CTNNA2: variants seen among roughly 807,000 people sequenced by gnomAD.
CTNNA2 encodes the protein catenin alpha-2.
CTNNA2 carries 42 observed loss-of-function variants against 101.0 expected under a neutral mutation model. That is an observed-to-expected ratio of 0.42 (90% CI 0.32 to 0.54). The LOEUF (loss-of-function observed/expected upper bound fraction) is 0.54. Ranked by LOEUF, CTNNA2 falls within the 20% of genes least tolerant of loss-of-function variation. The probability of loss-of-function intolerance (pLI) is 0.14; values close to 1 mark genes in which losing one functional copy is unlikely to be tolerated. For synonymous variants in CTNNA2, 450 were observed against 456.4 expected (o/e 0.99, Z 0.18); for missense variants, 871 against 1,223.1 (o/e 0.71, Z 4.29).
chr2:79,410,325 C>T (rs1270856862), intron 4 of CTNNA2, among the ~76,000 whole-genome samples: 2 of 144,262 alleles, frequency 1.4e-5, no homozygotes, highest in Admixed American at 1.4e-4. Context: ...CTGGCCAGAA[C>T]TTCCAACACT....
At chr2:80,390,955 T>A (rs560357186) in intron 7 of CTNNA2, among the ~76,000 whole-genome samples, 35 of 151,648 alleles carry the variant, frequency 2.3e-4, no homozygotes, top group African/African-American at 8.2e-4. Flanking sequence ...TATGGTGAAA[T>A]CCTGTCTCTA....
At chr2:79,463,638 A>G (rs2104537921) in intron 4 of CTNNA2, among the ~76,000 whole-genome samples, 1 of 152,316 alleles carries the variant, frequency 6.6e-6, no homozygotes, top group South Asian at 2.1e-4. Flanking sequence ...AAATAGTGTG[A>G]AAACTACCTG....
intron 7 of CTNNA2, among the ~76,000 whole-genome samples, chr2:80,169,060 A>G (rs1288033325): frequency 6.6e-6 from 1 of 152,174 alleles, no homozygotes; most frequent in Non-Finnish European, 1.5e-5. Flanking sequence ...TGACCTTGGG[A>G]GCCCATGCCT....
At chr2:79,261,574 C>A (rs1434183) in intron 2 of CTNNA2, among the ~76,000 whole-genome samples, 1 of 152,060 alleles carries the variant, frequency 6.6e-6, no homozygotes, top group African/African-American at 2.4e-5. Flanking sequence ...CCTCACCTTG[C>A]AGACAGCACC....
chr2:79,549,712 A>G (rs193249586), intron 1 of CTNNA2, among the ~76,000 whole-genome samples: 22 of 152,302 alleles, frequency 1.4e-4, no homozygotes, highest in Middle Eastern at 3.4e-3. Context: ...GTGGAAGTTT[A>G]CTGTCATCTG....
At chr2:80,189,536 C>A (rs957984711) in intron 7 of CTNNA2, among the ~76,000 whole-genome samples, 23 of 152,308 alleles carry the variant, frequency 1.5e-4, no homozygotes, top group African/African-American at 5.3e-4. Context: ...AGGACAGTAG[C>A]ATTGAGTTCC....
intron 7 of CTNNA2, among the ~76,000 whole-genome samples, chr2:79,910,633 G>T (rs1342872581): frequency 6.6e-6 from 1 of 152,184 alleles, no homozygotes; most frequent in African/African-American, 2.4e-5. Flanking sequence ...TAGATAAAGT[G>T]AGGTCTCGAT....
chr2:80,264,934 T>C (rs1293361351), intron 7 of CTNNA2, among the ~76,000 whole-genome samples: 1 of 151,496 alleles, frequency 6.6e-6, no homozygotes, highest in South Asian at 2.1e-4. Context: ...TTTTTGACTT[T>C]AGTTTATCAA....
intron 2 of CTNNA2, among the ~76,000 whole-genome samples, chr2:79,300,653 TAA>T (rs1280260165): frequency 2.6e-5 from 4 of 152,214 alleles, no homozygotes; most frequent in Admixed American, 6.5e-5. Context: ...CTAAATTTCT[TAA>T]GTTTCATTAA....
chr2:80,214,876 C>T (rs1558910562), intron 7 of CTNNA2, among the ~76,000 whole-genome samples: 1 of 152,144 alleles, frequency 6.6e-6, no homozygotes, highest in Non-Finnish European at 1.5e-5. Flanking sequence ...TCCATTATCC[C>T]CGTCATTTTC....
intron 1 of CTNNA2, among the ~76,000 whole-genome samples, chr2:79,602,064 T>A (rs764835066): frequency 5.9e-5 from 9 of 152,106 alleles, no homozygotes; most frequent in Non-Finnish European, 1.2e-4. Context: ...CTGTGGGTAT[T>A]TGTGTTATAG....
At chr2:79,516,044 A>G (rs1474959722) in intron 1 of CTNNA2, among the ~76,000 whole-genome samples, 1 of 152,200 alleles carries the variant, frequency 6.6e-6, no homozygotes, top group Non-Finnish European at 1.5e-5. Flanking sequence ...ATGAGGTCCT[A>G]TTTCACAGTG....
At chr2:79,501,287 T>C (rs945667486) in intron 4 of CTNNA2, among the ~76,000 whole-genome samples, 3 of 152,190 alleles carry the variant, frequency 2.0e-5, no homozygotes, top group African/African-American at 7.2e-5. Flanking sequence ...TGTTTATTTA[T>C]TTATTTGTTA....
chr2:80,401,141 G>A (rs528365086), intron 8 of CTNNA2, among the ~76,000 whole-genome samples: 6 of 152,178 alleles, frequency 3.9e-5, no homozygotes, highest in East Asian at 1.9e-4. Context: ...TTTTGCAGTG[G>A]GTTTAGTTGT....
intron 9 of CTNNA2, among the ~76,000 whole-genome samples, chr2:80,470,403 T>C (rs952185274): frequency 6.6e-6 from 1 of 152,248 alleles, no homozygotes; most frequent in Admixed American, 6.5e-5. Context: ...TGCCTTCACA[T>C]GCCAGTACAG....
chr2:79,573,013 C>T (rs555940136), intron 1 of CTNNA2, among the ~76,000 whole-genome samples: 33 of 152,226 alleles, frequency 2.2e-4, no homozygotes, highest in African/African-American at 7.7e-4. Flanking sequence ...ATTCAAATTA[C>T]ATTTCACTTT....
At chr2:79,338,575 A>ATCTTCTCCTTCTTCTTCT (rs1239699778) in intron 3 of CTNNA2, among the ~76,000 whole-genome samples, 1 of 115,422 alleles carries the variant, frequency 8.7e-6, no homozygotes, top group East Asian at 2.5e-4. Context: ...CTTCCTCCTC[A>ATCTTCTCCTTCTTCTTCT]TCATCTTCTT....
intron 2 of CTNNA2, among the ~76,000 whole-genome samples, chr2:79,693,298 T>C (rs1220113222): frequency 7.4e-6 from 1 of 135,970 alleles, no homozygotes; most frequent in African/African-American, 2.5e-5. Context: ...AAAAATTTCA[T>C]TAAGATTTTT....
At chr2:80,172,269 G>A (rs894030868) in intron 7 of CTNNA2, among the ~76,000 whole-genome samples, 1 of 152,150 alleles carries the variant, frequency 6.6e-6, no homozygotes, top group Non-Finnish European at 1.5e-5. Context: ...ACTGCCTTGA[G>A]CTTTACTCTC....
Sources: allele counts gnomAD v4.1 joint callset (sites outside exome capture counted in the v4.1 genomes callset), GRCh38; gene constraint gnomAD v4.1.1; transcripts MANE v1.5; gene names NCBI Gene and HGNC (gene_info 2026-07-23, HGNC 2026-07-21).